Variants in PPP5C observed in about 807,000 individuals in gnomAD.
The protein encoded by PPP5C is serine/threonine-protein phosphatase 5.
A neutral mutation model predicts 66.7 loss-of-function variants in PPP5C; 21 were observed. The observed-to-expected ratio is 0.31, with a 90% CI of 0.22 to 0.45. The LOEUF is 0.45. PPP5C is among the 20% of genes least tolerant of loss of function. The probability of loss-of-function intolerance (pLI) is 1.00; values close to 1 mark genes in which losing one functional copy is unlikely to be tolerated. For synonymous variants in PPP5C, 246 were observed against 257.4 expected (o/e 0.96, Z 0.43); for missense variants, 464 against 675.9 (o/e 0.69, Z 3.48).
chr19:46,387,063 A>G, intron 7 of PPP5C, 30 bp from the exon 8 acceptor site: 1 of 1,614,120 alleles, frequency 6.2e-7, no homozygotes, highest in Non-Finnish European at 8.5e-7. Flanking sequence ...CTGGAGGCTG[A>G]GCTTTCTCTT....
At chr19:46,361,128 A>ATTTTTTTTTTTTTTTTTTT (rs202038384) in intron 2 of PPP5C, among the ~76,000 whole-genome samples, 1 of 133,416 alleles carries the variant, frequency 7.5e-6, no homozygotes, top group African/African-American at 2.8e-5. Context: ...AGTGAAAGAA[A>ATTTTTTTTTTTTTTTTTTT]ATTTTTTTTT....
At chr19:46,350,775 C>G (rs1214476905) in intron 1 of PPP5C, among the ~76,000 whole-genome samples, 1 of 152,068 alleles carries the variant, frequency 6.6e-6, no homozygotes, top group Non-Finnish European at 1.5e-5. Flanking sequence ...CGCCCAAGGT[C>G]AGAGTGTGTG....
chr19:46,352,819 C>CAAA (rs5828273), intron 1 of PPP5C, among the ~76,000 whole-genome samples: 2 of 127,534 alleles, frequency 1.6e-5, no homozygotes, highest in Non-Finnish European at 1.7e-5. Context: ...GACTCCATCT[C>CAAA]AAAAAAAAAA....
Position 46,390,710 on chromosome 19 carries a change from C to T in PPP5C, c.*364C>T. 1.7e-6 allele frequency: 2 copies of T among 1,176,314 alleles called. No homozygotes were observed. The highest frequency in any genetic ancestry group is 2.1e-6 in the Non-Finnish European group (2 of 939,052). 72.9% of individuals were successfully genotyped at this position (1,176,314 alleles called of 1,614,324 possible). A position where few individuals can be genotyped will look rare whatever the true frequency, so the allele number is the denominator to read the frequency against. On this transcript the variant is annotated 3_prime_UTR_variant, in exon 13 of 13. Coordinates refer to ENST00000012443, the MANE Select transcript of PPP5C (RefSeq NM_006247.4). Reference sequence around the variant, plus strand: ...TAGGGCCCCGCCATAGGAAGACCCCCAGAGAGAGGGTCAGCAGGGGGGCCC... The same window carrying T: ...TAGGGCCCCGCCATAGGAAGACCCCTAGAGAGAGGGTCAGCAGGGGGGCCC...
chr19:46,377,457 G>A (rs1972714929), intron 4 of PPP5C, among the ~76,000 whole-genome samples: 1 of 152,226 alleles, frequency 6.6e-6, no homozygotes, highest in Admixed American at 6.5e-5. Context: ...TGTTGATCAT[G>A]TTGTTAAAGG....
intron 9 of PPP5C, chr19:46,387,663 G>A (rs1484274011): frequency 2.0e-6 from 3 of 1,495,950 alleles, no homozygotes; most frequent in East Asian, 5.0e-5. Flanking sequence ...ATGGTGCGGG[G>A]TGAAGGCACG....
intron 11 of PPP5C, among the ~76,000 whole-genome samples, chr19:46,389,305 G>T (rs911949069): frequency 1.3e-5 from 2 of 150,258 alleles, no homozygotes; most frequent in Admixed American, 1.3e-4. Flanking sequence ...GCCTGGGGAA[G>T]AGTAAGACTC....
At chr19:46,358,546 C>G (rs575531923) in intron 2 of PPP5C, among the ~76,000 whole-genome samples, 83 of 152,282 alleles carry the variant, frequency 5.5e-4, no homozygotes, top group Middle Eastern at 3.4e-3. Context: ...GTAAATGTTC[C>G]TCCGTTTCTT....
At chr19:46,386,425 G>A (rs561626828) in intron 7 of PPP5C, among the ~76,000 whole-genome samples, 11 of 152,266 alleles carry the variant, frequency 7.2e-5, no homozygotes, top group South Asian at 6.2e-4. Context: ...TGTGGGCCTC[G>A]TTGCAGGAGG....
In PPP5C at chr19:46,383,131, T is replaced by C; in HGVS notation, c.634-280T>C. ...ATGTTCTACGATCTGGATTCATGCA[T>C]GTATTTCCACTTGATGCTGAGTATT... On this transcript the variant is annotated intron_variant, in intron 4 of 12. Coordinates refer to ENST00000012443, the MANE Select transcript of PPP5C (RefSeq NM_006247.4). This position sits in a 1 kb window ranked among gnomAD's most constrained non-coding sequence, Gnocchi z 5.0. The C allele has an allele frequency of 1.5e-6, 2 of 1,365,366 alleles. No individual in the cohort carries two copies. The highest frequency in any genetic ancestry group is 1.4e-5 in the South Asian group (1 of 72,774). The allele number at this position is 1,365,366 out of a possible 1,614,324, so 84.6% of individuals were successfully genotyped here. A position where few individuals can be genotyped will look rare whatever the true frequency, so the allele number is the denominator to read the frequency against.
intron 4 of PPP5C, chr19:46,381,504 T>C (rs1007782458): frequency 2.0e-5 from 3 of 152,214 alleles, no homozygotes; most frequent in African/African-American, 7.2e-5. Flanking sequence ...CCTAGCACTT[T>C]GGGAGGCCAA....
rs1450385477 is a variant in PPP5C at position 46,353,618 on chromosome 19, A to C, written c.122-130A>C. 3.7e-6 allele frequency: 5 copies of C among 1,352,130 alleles called. No individual in the cohort carries two copies. In the East Asian group the frequency reaches 9.8e-5, roughly 26 times the overall value. The allele number at this position is 1,352,130 out of a possible 1,614,324, so 83.8% of individuals were successfully genotyped here. ...GACAGGCAGGAGGGGCAGGCTGAAGAGATGTCTCTGGGCTCAGGGTAGCCC... is the reference window on the plus strand; with the variant it reads ...GACAGGCAGGAGGGGCAGGCTGAAGCGATGTCTCTGGGCTCAGGGTAGCCC... On this transcript the variant is annotated intron_variant, in intron 1 of 12. Transcript: ENST00000012443.
chr19:46,386,278 G>A (rs1972883835), intron 7 of PPP5C, among the ~76,000 whole-genome samples: 1 of 152,232 alleles, frequency 6.6e-6, no homozygotes, highest in Non-Finnish European at 1.5e-5. Context: ...ACACAGGGGA[G>A]GCCCTGCCCA....
At chr19:46,347,506 AGGCCTGTAGAG>A (rs1972103863) in intron 1 of PPP5C, among the ~76,000 whole-genome samples, 1 of 151,346 alleles carries the variant, frequency 6.6e-6, no homozygotes, top group Non-Finnish European at 1.5e-5. Context: ...ACCAAACGTG[AGGCCTGTAGAG>A]GGCGCTACCA....
In PPP5C at chr19:46,383,054, A is replaced by T; in HGVS notation, c.634-357A>T. 9.3e-7 allele frequency: 1 copy of T among 1,078,988 alleles called. No individual in the cohort carries two copies. The highest frequency in any genetic ancestry group is 1.2e-6 in the Non-Finnish European group (1 of 851,384). The allele number at this position is 1,078,988 out of a possible 1,614,324, so 66.8% of individuals were successfully genotyped here. On this transcript the variant is annotated intron_variant, in intron 4 of 12. Coordinates refer to ENST00000012443, the MANE Select transcript of PPP5C (RefSeq NM_006247.4). The surrounding 1 kb of genome is among the most constrained non-coding windows in gnomAD (Gnocchi z 5.0). ...GAAAGTCTCACTTCTTTTTTGGGAG[A>T]CTCTTTTATGACAGTGACATTGCGC...
In PPP5C at chr19:46,384,234, G is replaced by A. The variant is rs1028489571; in HGVS notation, c.798+356G>A. The A allele has an allele frequency of 3.2e-5, 10 of 314,608 alleles. No homozygotes were observed. In the Admixed American group the frequency reaches 3.7e-4, roughly 12 times the overall value. The allele number at this position is 314,608 out of a possible 1,614,324, so 19.5% of individuals were successfully genotyped here. On this transcript the variant is annotated intron_variant, in intron 6 of 12. Transcript: ENST00000012443. ...GCCACTTCCCAGCTGTGTGACCGAA[G>A]CAGGTTACTTCACTGCTTGGTGTCA...
Position 46,376,551 on chromosome 19 carries a change from C to G in PPP5C, c.610C>G (p.Leu204Val). ...GCAGTGGTACAAGGACCAGAAGAAA[C>G]TGCACCGGAAATGTGCCTACCAGGT... The part of the protein sequence containing the change: ...LMQWYKDQKK[L>V]HRKCAYQILV... The change falls in exon 4 of 13, where the codon CTG (leucine) becomes GTG (valine). Residue 204 changes from leucine (L) to valine (V), a missense_variant. Leu to Val is a conservative substitution (Grantham distance 32). Coordinates refer to ENST00000012443, the MANE Select transcript of PPP5C (RefSeq NM_006247.4). The surrounding 1 kb of genome is among the most constrained non-coding windows in gnomAD (Gnocchi z 5.1). The G allele has an allele frequency of 6.2e-7, 1 of 1,613,888 alleles. No homozygotes were observed. Among genetic ancestry groups the G allele is most frequent in the Non-Finnish European group, 8.5e-7 (1 of 1,179,876 alleles).
intron 2 of PPP5C, among the ~76,000 whole-genome samples, chr19:46,359,712 A>G (rs1972347861): frequency 6.6e-6 from 1 of 151,724 alleles, no homozygotes. Flanking sequence ...CAGCAAGATT[A>G]GTGACTGACC....
chr19:46,374,340 C>T (rs1972653082), intron 2 of PPP5C, among the ~76,000 whole-genome samples: 1 of 152,170 alleles, frequency 6.6e-6, no homozygotes, highest in Admixed American at 6.5e-5. Context: ...AGAGGCCACC[C>T]CTGCTCCTTG....
Sources: allele counts gnomAD v4.1 joint callset (sites outside exome capture counted in the v4.1 genomes callset), GRCh38; gene constraint gnomAD v4.1.1; non-coding constraint Gnocchi (gnomAD v3.1); transcripts MANE v1.5; gene names NCBI Gene and HGNC (gene_info 2026-07-23, HGNC 2026-07-21).